Variants in PABPC4L observed in about 807,000 individuals in gnomAD.
The protein encoded by PABPC4L is polyadenylate-binding protein 4-like.
For missense variants in PABPC4L, 452 were observed against 451.4 expected (o/e 1.00, Z -0.01); for synonymous variants, 169 against 164.1 (o/e 1.03, Z -0.23).
At chr4:133,993,979 A>G in the PABPC4L span, among the ~76,000 whole-genome samples, 1 of 152,114 alleles carries the variant, frequency 6.6e-6, no homozygotes, top group Non-Finnish European at 1.5e-5. Flanking sequence ...AACAATATTG[A>G]TAGGCTGAGT....
the PABPC4L span, among the ~76,000 whole-genome samples, chr4:134,022,133 G>T: frequency 6.6e-6 from 1 of 152,028 alleles, no homozygotes; most frequent in African/African-American, 2.4e-5. Context: ...TATGAATGCT[G>T]CTAACCCGGC....
chr4:134,124,979 ATAT>A, the PABPC4L span, among the ~76,000 whole-genome samples: 1 of 152,092 alleles, frequency 6.6e-6, no homozygotes, highest in Non-Finnish European at 1.5e-5. Flanking sequence ...ATACTATAAT[ATAT>A]TATTGAAGAC....
At chr4:134,028,423 C>A in the PABPC4L span, among the ~76,000 whole-genome samples, 1 of 127,626 alleles carries the variant, frequency 7.8e-6, no homozygotes, top group Non-Finnish European at 1.6e-5. Flanking sequence ...CCATGGGCTT[C>A]CTGAATTTCT....
At chr4:134,177,709 A>T in the PABPC4L span, among the ~76,000 whole-genome samples, 1 of 152,094 alleles carries the variant, frequency 6.6e-6, no homozygotes, top group South Asian at 2.1e-4. Context: ...CCTAGGAAAC[A>T]TCCAGATGTC....
At chr4:134,115,780 T>C in the PABPC4L span, among the ~76,000 whole-genome samples, 1 of 151,770 alleles carries the variant, frequency 6.6e-6, no homozygotes, top group Non-Finnish European at 1.5e-5. Flanking sequence ...CCAAGATATG[T>C]TTTAAAGCAA....
Position 134,200,259 on chromosome 4 carries a change from T to C in PABPC4L, c.761A>G (p.Asp254Gly). The C allele has an allele frequency of 6.4e-7, 1 of 1,557,152 alleles. No homozygotes were observed. Among genetic ancestry groups the C allele is most frequent in the Non-Finnish European group, 8.7e-7 (1 of 1,149,750 alleles). Reference sequence around the variant, plus strand: ...TACAAAAATCAGCTGCCCATTTATGTCCCTTCCATTCATTTCTTCAACAGC... The same window carrying C: ...TACAAAAATCAGCTGCCCATTTATGCCCCTTCCATTCATTTCTTCAACAGC... ...KKAVEEMNGR[D>G]INGQLIFVGR... is the part of the protein sequence containing the mutation. The change falls in exon 2 of 2, where the codon GAC (aspartate) becomes GGC (glycine). Residue 254 changes from aspartate to glycine, a missense_variant. Transcript: ENST00000421491.
the PABPC4L span, among the ~76,000 whole-genome samples, chr4:133,967,073 C>G: frequency 6.6e-6 from 1 of 151,426 alleles, no homozygotes; most frequent in African/African-American, 2.4e-5. Flanking sequence ...CAAATTTGCT[C>G]TAAAGGTAAA....
chr4:134,154,040 C>T, the PABPC4L span, among the ~76,000 whole-genome samples: 1 of 151,692 alleles, frequency 6.6e-6, no homozygotes, highest in Non-Finnish European at 1.5e-5. Context: ...CCTAAAGGAG[C>T]TAAATTGGGA....
At chr4:134,029,517 C>T in the PABPC4L span, among the ~76,000 whole-genome samples, 1 of 151,830 alleles carries the variant, frequency 6.6e-6, no homozygotes, top group East Asian at 1.9e-4. Context: ...TTAAAAGTGG[C>T]AAGAAGTAAT....
chr4:134,012,256 C>A, the PABPC4L span, among the ~76,000 whole-genome samples: 1 of 152,226 alleles, frequency 6.6e-6, no homozygotes, highest in Non-Finnish European at 1.5e-5. Context: ...TCCCCTGTGA[C>A]CTGCACGTAC....
chr4:134,095,232 T>C, the PABPC4L span, among the ~76,000 whole-genome samples: 3 of 151,946 alleles, frequency 2.0e-5, no homozygotes, highest in South Asian at 2.1e-4. Flanking sequence ...TTCCATCTGA[T>C]GGTATTGTTC....
At chr4:133,954,469 T>A in the PABPC4L span, among the ~76,000 whole-genome samples, 25 of 152,104 alleles carry the variant, frequency 1.6e-4, no homozygotes, top group African/African-American at 5.6e-4. Context: ...ATGAATGGGA[T>A]CTTTGGGCCA....
At chr4:134,138,912 T>A in the PABPC4L span, among the ~76,000 whole-genome samples, 4 of 151,894 alleles carry the variant, frequency 2.6e-5, no homozygotes, top group Admixed American at 2.6e-4. Context: ...CTCTATTGTC[T>A]AAATATTCAA....
the PABPC4L span, among the ~76,000 whole-genome samples, chr4:134,070,202 A>G: frequency 6.6e-6 from 1 of 151,922 alleles, no homozygotes; most frequent in Non-Finnish European, 1.5e-5. Flanking sequence ...GGTGGGGCCT[A>G]GGTGCTCCCG....
the PABPC4L span, among the ~76,000 whole-genome samples, chr4:133,975,729 A>G: frequency 6.6e-6 from 1 of 152,124 alleles, no homozygotes; most frequent in Admixed American, 6.6e-5. Flanking sequence ...TCAGTTCGGG[A>G]CATAGTGAAT....
At chr4:134,126,079 A>C in the PABPC4L span, among the ~76,000 whole-genome samples, 1 of 152,134 alleles carries the variant, frequency 6.6e-6, no homozygotes, top group South Asian at 2.1e-4. Context: ...TAATAAGTAA[A>C]TTGATAACAT....
chr4:134,179,412 T>C, the PABPC4L span, among the ~76,000 whole-genome samples: 1 of 152,094 alleles, frequency 6.6e-6, no homozygotes, highest in African/African-American at 2.4e-5. Context: ...AAGAAAGACC[T>C]TTACTGCCCA....
At chr4:133,972,443 A>G in the PABPC4L span, among the ~76,000 whole-genome samples, 3 of 152,108 alleles carry the variant, frequency 2.0e-5, no homozygotes, top group Non-Finnish European at 4.4e-5. Context: ...AGACTGAAGC[A>G]TCCATTTATC....
chr4:134,087,495 G>T, the PABPC4L span, among the ~76,000 whole-genome samples: 1 of 152,132 alleles, frequency 6.6e-6, no homozygotes, highest in Non-Finnish European at 1.5e-5. Context: ...CAATTATAAA[G>T]GTTTTACATG....
Sources: gnomAD v4.1 joint callset for allele counts (sites outside exome capture counted in the v4.1 genomes callset) on GRCh38, gnomAD v4.1.1 for gene constraint, MANE v1.5 for transcripts, NCBI Gene and HGNC (gene_info 2026-07-23, HGNC 2026-07-21) for gene names.